Variants in TEX15 observed in about 807,000 individuals in gnomAD.
TEX15 encodes testis-expressed protein 15.
A neutral mutation model predicts 237.3 loss-of-function variants in TEX15; 171 were observed. The ratio of observed to expected loss-of-function variants is 0.72; its 90% CI spans 0.64 to 0.82. TEX15 has a LOEUF of 0.82. Among genes scored for constraint, TEX15 ranks in the 40% least tolerant of loss-of-function variants. The pLI is 0.00. For synonymous variants in TEX15, 1,338 were observed against 1,269.8 expected (o/e 1.05, Z -1.14); for missense variants, 3,750 against 3,646.5 (o/e 1.03, Z -0.73).
chr8:30,844,897 C>T lies in TEX15; in HGVS notation c.5270G>A (p.Cys1757Tyr). ...SFAASSTVPH[C>Y]EQSCREKELL... Reference sequence around the variant, plus strand: ...CTCTTTTTCTCTACAGCTCTGCTCACAGTGTGGTACAGTACTGGATGCTGC... The same window carrying T: ...CTCTTTTTCTCTACAGCTCTGCTCATAGTGTGGTACAGTACTGGATGCTGC... The change falls in exon 8 of 11, where the codon TGT becomes TAT. Residue 1757 changes from cysteine to tyrosine, a missense_variant. Transcript: ENST00000643185. The T allele has an allele frequency of 1.2e-6, 2 of 1,613,456 alleles. No homozygotes were observed. Among genetic ancestry groups the T allele is most frequent in the Non-Finnish European group, 8.5e-7 (1 of 1,179,550 alleles).
In TEX15 at chr8:30,846,224, G is replaced by A. The variant is rs745699367; in HGVS notation, c.3943C>T (p.His1315Tyr). ...HISSRDQNIPHKDLRRHKIYG... is the reference protein window; with the variant it reads ...HISSRDQNIPYKDLRRHKIYG... ...ATTTTATGTCGTCTTAAATCTTTAT[G>A]TGGTATGTTCTGATCCCTGGAAGAT... The change falls in exon 8 of 11, where the codon CAT (histidine) becomes TAT (tyrosine). Residue 1315 changes from histidine to tyrosine, a missense_variant. Transcript: ENST00000643185. 1 of 1,613,304 alleles carries A rather than the reference G, an allele frequency of 6.2e-7. No individual in the cohort carries two copies.
intron 1 of TEX15, among the ~76,000 whole-genome samples, chr8:30,905,310 C>A (rs1344946230): frequency 6.6e-6 from 1 of 151,412 alleles, no homozygotes; most frequent in East Asian, 1.9e-4. Flanking sequence ...ATTATTGAGT[C>A]CCCAGGAGAA....
intron 4 of TEX15, among the ~76,000 whole-genome samples, chr8:30,868,573 CTCATCA>C (rs33995577): frequency 0.022 from 3,297 of 152,078 alleles, 109 homozygotes; most frequent in African/African-American, 0.075. Context: ...TCAAGAATGA[CTCATCA>C]TTAACAGTAG....
intron 1 of TEX15, among the ~76,000 whole-genome samples, chr8:30,908,362 T>A (rs148344978): frequency 4.6e-5 from 7 of 152,206 alleles, no homozygotes; most frequent in African/African-American, 1.7e-4. Flanking sequence ...GCTGGCATGC[T>A]TTCTCCCTTT....
chr8:30,836,961 C>A lies in TEX15; in HGVS notation c.9323G>T (p.Gly3108Val). The change falls in exon 10 of 11, where the codon GGC becomes GTC. Residue 3108 changes from glycine to valine, a missense_variant. Coordinates refer to ENST00000643185, the MANE Select transcript of TEX15 (RefSeq NM_001350162.2). Reference sequence around the variant, plus strand: ...AAAATACCCATTCACTGGCACAAAGCCATTTGCTTGTGGCTCCCCCGCAAA... The same window carrying A: ...AAAATACCCATTCACTGGCACAAAGACATTTGCTTGTGGCTCCCCCGCAAA... ...TYFAGEPQANGFVPVNGYFQS... is the reference protein window; with the variant it reads ...TYFAGEPQANVFVPVNGYFQS... 1 of 1,614,100 alleles carries A rather than the reference C, an allele frequency of 6.2e-7. No homozygotes were observed.
chr8:30,877,580 T>C (rs1459038627), intron 3 of TEX15, among the ~76,000 whole-genome samples: 1 of 152,202 alleles, frequency 6.6e-6, no homozygotes, highest in Non-Finnish European at 1.5e-5. Flanking sequence ...CAAATTTTGA[T>C]AGTTTCATAA....
chr8:30,910,609 CCTTT>C (rs1171256592), intron 1 of TEX15, among the ~76,000 whole-genome samples: 12 of 133,406 alleles, frequency 9.0e-5, no homozygotes, highest in African/African-American at 3.7e-4. Context: ...CCACGCCTGG[CCTTT>C]TTTTTTTTTT....
chr8:30,908,608 G>GTACAATAA (rs1809156912), intron 1 of TEX15, among the ~76,000 whole-genome samples: 1 of 152,138 alleles, frequency 6.6e-6, no homozygotes, highest in Non-Finnish European at 1.5e-5. Context: ...AGGTTACAAG[G>GTACAATAA]TACAATAATT....
Position 30,837,297 on chromosome 8 carries a change from A to C in TEX15, c.8987T>G (p.Leu2996Arg). The C allele has an allele frequency of 1.2e-6, 2 of 1,614,190 alleles. No individual in the cohort carries two copies. The highest frequency in any genetic ancestry group is 1.7e-6 in the Non-Finnish European group (2 of 1,180,042). ...ATTTTTGTCATTCTGTTGTTCAGAA[A>C]GAGAGTACTCTGCTCCTTGATTCAC... ...LNVNQGAEYSLSEQQNDKNSK... is the reference protein window; with the variant it reads ...LNVNQGAEYSRSEQQNDKNSK... Residue 2996 changes from leucine to arginine, a missense_variant, in exon 10 of 11, where the codon CTT becomes CGT. By Grantham distance (102) the Leu-to-Arg change is moderately radical (BLOSUM62 -2). Coordinates refer to ENST00000643185, the MANE Select transcript of TEX15 (RefSeq NM_001350162.2).
At chr8:30,874,184 T>G (rs1808353861) in intron 4 of TEX15, among the ~76,000 whole-genome samples, 1 of 152,170 alleles carries the variant, frequency 6.6e-6, no homozygotes, top group Non-Finnish European at 1.5e-5. Context: ...TGGCAGCATG[T>G]TTGAATCAAG....
At position 30,848,704 on chromosome 8, in the gene TEX15, G is replaced by A; in HGVS notation, c.1463C>T (p.Ala488Val). 1 of 1,614,174 alleles carries A rather than the reference G, an allele frequency of 6.2e-7. No homozygotes were observed. The highest frequency in any genetic ancestry group is 8.5e-7 in the Non-Finnish European group (1 of 1,180,012). The change falls in exon 8 of 11, where the codon GCT (alanine) becomes GTT (valine). Residue 488 changes from alanine to valine, a missense_variant. By Grantham distance (64) the Ala-to-Val change is moderately conservative. Transcript: ENST00000643185. Reference protein sequence around the residue: ...SSSEVVPGDCAVLTNGLDTPC... With the variant: ...SSSEVVPGDCVVLTNGLDTPC... ...GGTATCCAAACCATTAGTAAGAACA[G>A]CACAATCACCAGGGACAACTTCTGA...
rs756057278 is a variant in TEX15 at position 30,843,968 on chromosome 8, G to C, written c.6199C>G (p.Pro2067Ala). The C allele has an allele frequency of 1.2e-6, 2 of 1,613,006 alleles. No homozygotes were observed. The highest frequency in any genetic ancestry group is 8.5e-7 in the Non-Finnish European group (1 of 1,179,624). The change falls in exon 8 of 11, where the codon CCA becomes GCA. Residue 2067 changes from proline to alanine, a missense_variant. Pro to Ala is a conservative substitution (Grantham distance 27). Coordinates refer to ENST00000643185, the MANE Select transcript of TEX15 (RefSeq NM_001350162.2). ...TCTACCAAAGTGTCAACAGCACATG[G>C]TTTTAATGTGTGTTTGCAATTATTC... ...LWNNCKHTLK[P>A]CAVDTLVELQ...
At chr8:30,902,970 A>G (rs1378351088) in intron 1 of TEX15, among the ~76,000 whole-genome samples, 1 of 152,182 alleles carries the variant, frequency 6.6e-6, no homozygotes, top group East Asian at 1.9e-4. Flanking sequence ...CTCAGGGAAA[A>G]GGCAAGAGAG....
Position 30,842,823 on chromosome 8 carries a change from GATTTCAATATAC to G in TEX15, c.7332_7343del (p.Met2444_Glu2447del). ...AGTGAATTGTTTCTGAGACCATGAC[GATTTCAATATAC>G]ATTTCAATAGCTTCAGGCTTTAAAA... is the stretch of plus-strand genomic sequence containing the variant. On this transcript the variant is annotated inframe_deletion, in exon 8 of 11. Transcript: ENST00000643185. The G allele has an allele frequency of 6.2e-7, 1 of 1,612,940 alleles. No homozygotes were observed. The highest frequency in any genetic ancestry group is 8.5e-7 in the Non-Finnish European group (1 of 1,179,376).
chr8:30,910,773 C>T (rs1267847462), intron 1 of TEX15, among the ~76,000 whole-genome samples: 2 of 151,744 alleles, frequency 1.3e-5, no homozygotes, highest in Non-Finnish European at 2.9e-5. Flanking sequence ...AAAAAGAAAA[C>T]ATACATGGGT....
intron 8 of TEX15, 45 bp downstream of exon 8, chr8:30,841,959 T>G (rs199685964): frequency 7.2e-7 from 1 of 1,385,870 alleles, no homozygotes; most frequent in Non-Finnish European, 9.7e-7. Flanking sequence ...TAGACTTGTT[T>G]TCAAAAAGAA....
Position 30,832,138 on chromosome 8 carries a change from T to C in TEX15, c.*1148A>G, listed in dbSNP as rs571136773. Reference sequence around the variant, plus strand: ...GCTTATCCTGGGGATTCTCACTGTCTTTCTAAATTGAAAAATTAGTTACTC... The same window carrying C: ...GCTTATCCTGGGGATTCTCACTGTCCTTCTAAATTGAAAAATTAGTTACTC... On this transcript the variant is annotated 3_prime_UTR_variant, in exon 11 of 11. Transcript: ENST00000643185. The C allele has an allele frequency of 3.3e-5, 5 of 152,368 alleles. No homozygotes were observed. The South Asian group carries it at 8.3e-4, about 25-fold the overall frequency. 9.4% of individuals were successfully genotyped at this position (152,368 alleles called of 1,614,324 possible).
intron 7 of TEX15, among the ~76,000 whole-genome samples, chr8:30,855,294 G>A (rs921810590): frequency 6.6e-6 from 1 of 152,004 alleles, no homozygotes; most frequent in East Asian, 1.9e-4. Context: ...TATACATTTG[G>A]AATGAACAAT....
chr8:30,866,052 T>C (rs893835841), intron 5 of TEX15, among the ~76,000 whole-genome samples: 4 of 152,034 alleles, frequency 2.6e-5, no homozygotes, highest in Non-Finnish European at 5.9e-5. Flanking sequence ...CCTAGTGTCA[T>C]TAAAAAAACC....
Sources: allele counts gnomAD v4.1 joint callset (sites outside exome capture counted in the v4.1 genomes callset), GRCh38; gene constraint gnomAD v4.1.1; transcripts MANE v1.5; gene names NCBI Gene and HGNC (gene_info 2026-07-23, HGNC 2026-07-21).